The following MALRD1 variants were observed in gnomAD, a reference collection of about 807,000 sequenced individuals.
MALRD1 encodes the protein MAM and LDL receptor class A domain containing 1.
Under a neutral mutation model 242.1 loss-of-function variants are expected in MALRD1, and 247 were observed. That is an observed-to-expected ratio of 1.02 (90% CI 0.92 to 1.13). The LOEUF is 1.13. Among genes scored for constraint, MALRD1 ranks in the 50% most tolerant of loss-of-function variants. The pLI is 0.00. For synonymous variants in MALRD1, 995 were observed against 866.6 expected (o/e 1.15, Z -2.60); for missense variants, 2,989 against 2,533.1 (o/e 1.18, Z -3.86).
At chr10:19,547,485 A>T (rs1835258093) in intron 32 of MALRD1, among the ~76,000 whole-genome samples, 1 of 151,982 alleles carries the variant, frequency 6.6e-6, no homozygotes, top group South Asian at 2.1e-4. Context: ...AAAAATCTGA[A>T]AAACCTAAAA....
At chr10:19,541,133 C>G (rs1834950144) in intron 32 of MALRD1, among the ~76,000 whole-genome samples, 1 of 152,246 alleles carries the variant, frequency 6.6e-6, no homozygotes, top group South Asian at 2.1e-4. Flanking sequence ...TATTCTGTCT[C>G]TAAATTTATT....
At chr10:19,653,074 C>T (rs1840969511) in intron 36 of MALRD1, among the ~76,000 whole-genome samples, 1 of 152,158 alleles carries the variant, frequency 6.6e-6, no homozygotes, top group Admixed American at 6.5e-5. Flanking sequence ...TTATTCCTAG[C>T]AGTCTATTGT....
intron 14 of MALRD1, among the ~76,000 whole-genome samples, chr10:19,183,290 CT>C (rs913836255): frequency 8.6e-5 from 13 of 150,910 alleles, no homozygotes; most frequent in Non-Finnish European, 1.9e-4. Flanking sequence ...AAGTAGGAGT[CT>C]TTTTTTTTCT....
Position 19,257,775 on chromosome 10 carries a change from A to G in MALRD1, c.3079+4A>G. The stretch of plus-strand genomic sequence containing the variant: ...ATGGACTGCACCCTCTACCCTGGTA[A>G]GAGAGAACATTTCAATTTGGGGTTA... On this transcript the variant is annotated splice_donor_region_variant and intron_variant, in intron 19 of 39. Transcript: ENST00000454679. 1 of 1,493,070 alleles carries G rather than the reference A, an allele frequency of 6.7e-7. No homozygotes were observed. The highest frequency in any genetic ancestry group is 2.2e-5 in the Admixed American group (1 of 46,196). The allele number at this position is 1,493,070 out of a possible 1,614,324, so 92.5% of individuals were successfully genotyped here.
At chr10:19,305,604 T>C (rs971326221) in intron 21 of MALRD1, among the ~76,000 whole-genome samples, 4 of 151,064 alleles carry the variant, frequency 2.6e-5, no homozygotes, top group African/African-American at 9.7e-5. Context: ...ATCTTTCATT[T>C]CTTTTCCAGC....
At position 19,088,012 on chromosome 10, in the gene MALRD1, T is replaced by C. The variant is rs541401909; in HGVS notation, c.436-12T>C. 8 of 1,233,458 alleles carry C rather than the reference T, an allele frequency of 6.5e-6. No individual in the cohort carries two copies. The Admixed American group carries it at 1.3e-4, about 20-fold the overall frequency. 76.4% of individuals were successfully genotyped at this position (1,233,458 alleles called of 1,614,324 possible). ...TTATCATAATTGTTTGGGTACTAATTGTCTTTCACAGATTACATTTTATTA... is the reference window on the plus strand; with the variant it reads ...TTATCATAATTGTTTGGGTACTAATCGTCTTTCACAGATTACATTTTATTA... On this transcript the variant is annotated splice_polypyrimidine_tract_variant and intron_variant, in intron 3 of 39. Transcript: ENST00000454679.
At chr10:19,638,619 T>C (rs1159723927) in intron 36 of MALRD1, among the ~76,000 whole-genome samples, 1 of 152,198 alleles carries the variant, frequency 6.6e-6, no homozygotes, top group Non-Finnish European at 1.5e-5. Flanking sequence ...CCTACTGTTC[T>C]ATTAAACTGT....
chr10:19,234,646 T>G (rs1197183828), intron 18 of MALRD1, among the ~76,000 whole-genome samples: 1 of 151,750 alleles, frequency 6.6e-6, no homozygotes, highest in Non-Finnish European at 1.5e-5. Context: ...AAAAAAGCGC[T>G]AATTCATGTC....
intron 23 of MALRD1, among the ~76,000 whole-genome samples, chr10:19,331,059 C>A (rs528351401): frequency 6.6e-6 from 1 of 152,192 alleles, no homozygotes; most frequent in African/African-American, 2.4e-5. Context: ...TGTTGGAGAT[C>A]TGAGAGCTGG....
chr10:19,152,216 A>G (rs959223087), intron 11 of MALRD1, among the ~76,000 whole-genome samples: 2 of 152,170 alleles, frequency 1.3e-5, no homozygotes, highest in Non-Finnish European at 2.9e-5. Flanking sequence ...TAAATTCCAC[A>G]TTTCTCTAAC....
chr10:19,332,769 A>G (rs916229714), intron 24 of MALRD1, among the ~76,000 whole-genome samples: 2 of 152,182 alleles, frequency 1.3e-5, no homozygotes, highest in Non-Finnish European at 2.9e-5. Context: ...TACATGGGAA[A>G]GATATTATTA....
At chr10:19,125,349 C>CT (rs1564408055) in intron 7 of MALRD1, among the ~76,000 whole-genome samples, 1 of 101,690 alleles carries the variant, frequency 9.8e-6, no homozygotes, top group African/African-American at 4.1e-5. Context: ...TTCTTTCTTT[C>CT]TTTCTTTCTT....
chr10:19,460,880 T>C (rs1190219024), intron 29 of MALRD1, among the ~76,000 whole-genome samples: 1 of 152,120 alleles, frequency 6.6e-6, no homozygotes, highest in Non-Finnish European at 1.5e-5. Flanking sequence ...CTCTGCGCAG[T>C]CCGGGAATTC....
chr10:19,166,064 G>C lies in MALRD1; in HGVS notation c.1830+254G>C, dbSNP rs114656973. Among the ~76,000 whole-genome samples the C allele has an allele frequency of 8.5e-3, 1,292 of 152,314 alleles. 13 individuals carry two copies. Among genetic ancestry groups the C allele is most frequent in the African/African-American group, 0.029 (1,224 of 41,554 alleles). The stretch of plus-strand genomic sequence containing the variant: ...AAACACATGATCTGTGATGAGTAGA[G>C]AGGTTGTTTTGACTATGCACTTAAG... On this transcript the variant is annotated intron_variant, in intron 13 of 39. Coordinates refer to ENST00000454679, the MANE Select transcript of MALRD1 (RefSeq NM_001142308.3).
At chr10:19,491,990 T>C (rs1006076406) in intron 30 of MALRD1, among the ~76,000 whole-genome samples, 1 of 150,452 alleles carries the variant, frequency 6.6e-6, no homozygotes, top group Non-Finnish European at 1.5e-5. Flanking sequence ...TATTGGTTGT[T>C]TTTTTTTTTC....
At chr10:19,722,491 G>A in intron 38 of MALRD1, 1 of 150,002 alleles carries the variant, frequency 6.7e-6, no homozygotes, top group Non-Finnish European at 1.5e-5. Context: ...TCAGAAGGCT[G>A]AGGCAGGAGG....
intron 14 of MALRD1, among the ~76,000 whole-genome samples, 177 bp downstream of exon 14, chr10:19,175,505 C>G (rs1309244344): frequency 3.6e-5 from 5 of 139,128 alleles, no homozygotes; most frequent in Non-Finnish European, 6.4e-5. Context: ...AACATCTGGT[C>G]TAGTCCTTAG....
intron 29 of MALRD1, among the ~76,000 whole-genome samples, chr10:19,452,262 A>G (rs527246600): frequency 6.6e-6 from 1 of 152,310 alleles, no homozygotes; most frequent in East Asian, 1.9e-4. Flanking sequence ...TTATTATTCT[A>G]GCTTTGCTAG....
chr10:19,531,089 T>C, intron 31 of MALRD1, 105 bp from the exon 32 acceptor site: 1 of 876,280 alleles, frequency 1.1e-6, no homozygotes, highest in African/African-American at 1.7e-5. Context: ...TGTTTGATTG[T>C]GTGTATGTAT....
Sources: gnomAD v4.1 joint callset for allele counts (sites outside exome capture counted in the v4.1 genomes callset) on GRCh38, gnomAD v4.1.1 for gene constraint, MANE v1.5 for transcripts, NCBI Gene and HGNC (gene_info 2026-07-23, HGNC 2026-07-21) for gene names.